KIF21B: variants seen among roughly 807,000 people sequenced by gnomAD.
KIF21B encodes the protein kinesin family member 21B.
In KIF21B, 85 loss-of-function variants were observed where a neutral mutation model predicts 192.9. The ratio of observed to expected loss-of-function variants is 0.44; its 90% CI spans 0.37 to 0.53. The LOEUF (loss-of-function observed/expected upper bound fraction) is 0.53, where lower values mean the gene tolerates loss of function less well. KIF21B is among the 20% of genes least tolerant of loss of function. The probability of loss-of-function intolerance (pLI) is 0.00; values close to 1 mark genes in which losing one functional copy is unlikely to be tolerated. For missense variants in KIF21B, 1,716 were observed against 2,194.8 expected (o/e 0.78, Z 4.36); for synonymous variants, 832 against 884.6 (o/e 0.94, Z 1.05).
intron 34 of KIF21B, chr1:200,973,813 T>TG (rs980523788): frequency 5.8e-5 from 83 of 1,430,470 alleles, no homozygotes; most frequent in Admixed American, 4.4e-4. Context: ...TTTCTTTTTT[T>TG]GGGGGGGTGT....
At chr1:201,002,586 G>T (rs925155452) in intron 8 of KIF21B, 12 of 507,158 alleles carry the variant, frequency 2.4e-5, no homozygotes, top group African/African-American at 2.1e-4. Context: ...GCCACTGAAG[G>T]CCTCTCACAA....
intron 8 of KIF21B, chr1:201,002,555 A>G (rs563213468): frequency 1.7e-4 from 86 of 516,302 alleles, no homozygotes; most frequent in Non-Finnish European, 2.8e-4. Flanking sequence ...TTGACAATAA[A>G]AAGTCCAAAT....
At chr1:200,985,880 C>T (rs12122882) in intron 26 of KIF21B, among the ~76,000 whole-genome samples, 34,372 of 141,318 alleles carry the variant, frequency 0.24, 5,158 homozygotes, top group African/African-American at 0.41. Context: ...GAGTCTCACA[C>T]TGTCACCCAG....
At chr1:200,991,398 G>T (rs1656685297) in intron 17 of KIF21B, among the ~76,000 whole-genome samples, 1 of 152,252 alleles carries the variant, frequency 6.6e-6, no homozygotes, top group Non-Finnish European at 1.5e-5. Flanking sequence ...TGCAGCCTGA[G>T]CTCTTGTTGA....
At chr1:201,009,192 G>A in intron 2 of KIF21B, 74 bp downstream of exon 2, 2 of 1,407,690 alleles carry the variant, frequency 1.4e-6, no homozygotes, top group Non-Finnish European at 9.9e-7. Context: ...TGCTCTGAAG[G>A]TGGAGCTTTC....
At position 200,976,798 on chromosome 1, in the gene KIF21B, C is replaced by G. The variant is rs1293823031; in HGVS notation, c.4421G>C (p.Gly1474Ala). ...TASQHDLVVT[G>A]SKDHYVKMFE... is the part of the protein sequence containing the mutation. ...TACCTTAACGTAGTGGTCCTTGGAG[C>G]CAGTCACCACGAGGTCATGCTGGCT... The change falls in exon 32 of 35, where the codon GGC becomes GCC. Residue 1474 changes from glycine to alanine, a missense_variant. Gly to Ala is a moderately conservative substitution (Grantham distance 60, BLOSUM62 0). Coordinates refer to ENST00000461742, the MANE Select transcript of KIF21B (RefSeq NM_001252102.2). The G allele has an allele frequency of 3.1e-6, 5 of 1,612,694 alleles. No individual in the cohort carries two copies. The highest frequency in any genetic ancestry group is 4.2e-6 in the Non-Finnish European group (5 of 1,179,068).
chr1:200,998,642 A>G lies in KIF21B; in HGVS notation c.1886-67T>C. 1 of 1,459,626 alleles carries G rather than the reference A, an allele frequency of 6.9e-7. No individual in the cohort carries two copies. Among genetic ancestry groups the G allele is most frequent in the Non-Finnish European group, 9.4e-7 (1 of 1,058,578 alleles). 90.4% of individuals were successfully genotyped at this position (1,459,626 alleles called of 1,614,324 possible). On this transcript the variant is annotated intron_variant, in intron 13 of 34. Transcript: ENST00000461742. This position sits in a 1 kb window ranked among gnomAD's most constrained non-coding sequence, Gnocchi z 4.3. ...GGGCAAATTGGGGAGCAGATGTGCC[A>G]GTGCTGGGGAGCTGGGACCCTCCTT...
chr1:200,999,379 C>T lies in KIF21B; in HGVS notation c.1855G>A (p.Val619Met), dbSNP rs140372625. 61 of 1,614,032 alleles carry T rather than the reference C, an allele frequency of 3.8e-5. No individual in the cohort carries two copies. The highest frequency in any genetic ancestry group is 3.6e-5 in the Non-Finnish European group (42 of 1,180,034). ...TCCTCGGGGTCTGAGTCTGAGTCCA[C>T]CAGGCTCTCTTCACTGCCCGAGTCC... ...DEDSGSEESL[V>M]DSDSDPEEKE... The change falls in exon 13 of 35, where the codon GTG becomes ATG. Residue 619 changes from valine (V) to methionine (M), a missense_variant. By Grantham distance (21) the Val-to-Met change is conservative (BLOSUM62 1). Around this residue, in one of 3 missense-constraint regions of KIF21B, gnomAD observed 1,087 missense variants for 1,316.6 expected, o/e 0.83. Coordinates refer to ENST00000461742, the MANE Select transcript of KIF21B (RefSeq NM_001252102.2). This position sits in a 1 kb window ranked among gnomAD's most constrained non-coding sequence, Gnocchi z 4.7.
chr1:200,996,389 A>G lies in KIF21B; in HGVS notation c.2084T>C (p.Met695Thr), dbSNP rs757157117. The part of the protein sequence containing the change: ...RDRVLQNLST[M>T]ECYTEEKANK... ...GGCCTTCTCCTCAGTATAGCACTCCATGGTGCCTGAGAGCAAGGAGACGCA... is the reference window on the plus strand; with the variant it reads ...GGCCTTCTCCTCAGTATAGCACTCCGTGGTGCCTGAGAGCAAGGAGACGCA... The change falls in exon 15 of 35, where the codon ATG becomes ACG. Residue 695 changes from methionine (M) to threonine (T), a missense_variant. Physicochemically the swap from Met to Thr is moderately conservative, Grantham distance 81. Transcript: ENST00000461742. 6.2e-7 allele frequency: 1 copy of G among 1,613,742 alleles called. No homozygotes were observed. The highest frequency in any genetic ancestry group is 8.5e-7 in the Non-Finnish European group (1 of 1,179,890).
Position 200,979,631 on chromosome 1 carries a change from T to C in KIF21B, c.4064A>G (p.Lys1355Arg). 1 of 1,588,572 alleles carries C rather than the reference T, an allele frequency of 6.3e-7. No individual in the cohort carries two copies. Among genetic ancestry groups the C allele is most frequent in the Non-Finnish European group, 8.6e-7 (1 of 1,167,866 alleles). Residue 1355 changes from lysine (K) to arginine (R), a missense_variant, in exon 30 of 35, where the codon AAG becomes AGG. By Grantham distance (26) the Lys-to-Arg change is conservative. This residue lies in a region of KIF21B where 580 missense variants were observed against 775.5 expected (regional missense o/e 0.75). Transcript: ENST00000461742. The part of the protein sequence containing the change: ...KGHPNNVVSI[K>R]YCSHSGLVFS... ...CACAAGCCCCGAGTGGCTGCAGTACTTGATGGAGACCACGTTGTTGGGGTG... is the reference window on the plus strand; with the variant it reads ...CACAAGCCCCGAGTGGCTGCAGTACCTGATGGAGACCACGTTGTTGGGGTG...
chr1:201,013,610 G>A (rs1441183522), intron 1 of KIF21B, among the ~76,000 whole-genome samples: 1 of 151,998 alleles, frequency 6.6e-6, no homozygotes, highest in Non-Finnish European at 1.5e-5. Flanking sequence ...CTCCTGCCTT[G>A]GCCTCACAAA....
intron 34 of KIF21B, chr1:200,974,024 C>T (rs1034048790): frequency 9.5e-6 from 15 of 1,573,248 alleles, no homozygotes; most frequent in Admixed American, 3.8e-5. Context: ...CAGCTCAGAT[C>T]GAAGTGGGGA....
rs1655161473 is a variant in KIF21B at position 200,970,509 on chromosome 1, CGCT to C, written c.*3009_*3011del. On this transcript the variant is annotated 3_prime_UTR_variant, in exon 35 of 35. Coordinates refer to ENST00000461742, the MANE Select transcript of KIF21B (RefSeq NM_001252102.2). ...GGAAATCTCGCAAGGCAACTCCATG[CGCT>C]GCCTTTGAGAGTTCTGGCTGCTTCA... The C allele has an allele frequency of 6.6e-6, 1 of 152,474 alleles. No individual in the cohort carries two copies. Among genetic ancestry groups the C allele is most frequent in the South Asian group, 2.1e-4 (1 of 4,834 alleles). The allele number at this position is 152,474 out of a possible 1,614,324, so 9.4% of individuals were successfully genotyped here. A position where few individuals can be genotyped will look rare whatever the true frequency, so the allele number is the denominator to read the frequency against.
intron 14 of KIF21B, 128 bp from the exon 15 acceptor site, chr1:200,996,523 C>T (rs1571940896): frequency 2.6e-6 from 2 of 773,464 alleles, no homozygotes. Flanking sequence ...CAAGTCACAC[C>T]CCTCTCTGAG....
chr1:200,982,337 C>T lies in KIF21B; in HGVS notation c.3842+719G>A, dbSNP rs1327418253. 3.9e-5 allele frequency among the ~76,000 whole-genome samples: 6 copies of T among 152,154 alleles called. No homozygotes were observed. Among genetic ancestry groups the T allele is most frequent in the Admixed American group, 1.3e-4 (2 of 15,284 alleles). On this transcript the variant is annotated intron_variant, in intron 28 of 34. Transcript: ENST00000461742. This position sits in a 1 kb window ranked among gnomAD's most constrained non-coding sequence, Gnocchi z 4.7. ...TTGTCGACACTCAGGGCTGGAGGCT[C>T]GAGGAGCTGAGACAGCCCACCAGGA...
rs751792490 is a variant in KIF21B, at chr1:200,999,470, G to A, written c.1768-4C>T. On this transcript the variant is annotated splice_polypyrimidine_tract_variant and splice_region_variant and intron_variant, in intron 12 of 34. Coordinates refer to ENST00000461742, the MANE Select transcript of KIF21B (RefSeq NM_001252102.2). This position sits in a 1 kb window ranked among gnomAD's most constrained non-coding sequence, Gnocchi z 4.7. ...TCTCGTCTCGCTCTTCCTCCTCCTG[G>A]GCACCAGGCACCATTGGGGTGGGCC... 6.2e-7 allele frequency: 1 copy of A among 1,613,040 alleles called. No individual in the cohort carries two copies. The highest frequency in any genetic ancestry group is 8.5e-7 in the Non-Finnish European group (1 of 1,179,458).
At position 200,999,293 on chromosome 1, in the gene KIF21B, G is replaced by C; in HGVS notation, c.1885+56C>G. The C allele has an allele frequency of 6.2e-7, 1 of 1,609,528 alleles. No individual in the cohort carries two copies. Among genetic ancestry groups the C allele is most frequent in the East Asian group, 2.2e-5 (1 of 44,880 alleles). On this transcript the variant is annotated intron_variant, in intron 13 of 34. Transcript: ENST00000461742. This position sits in a 1 kb window ranked among gnomAD's most constrained non-coding sequence, Gnocchi z 4.7. ...TTGAGCAGGGCCCGACCCCACACTT[G>C]GGCACTGGCAGCCAGGCATTGCATC...
chr1:201,022,928 C>T (rs1419843808), intron 1 of KIF21B, among the ~76,000 whole-genome samples: 2 of 152,218 alleles, frequency 1.3e-5, no homozygotes, highest in Non-Finnish European at 2.9e-5. Flanking sequence ...GGACCAAGAG[C>T]ACATAACTAG....
chr1:201,009,635 C>T (rs1351155894), intron 1 of KIF21B, 147 bp from the exon 2 acceptor site: 2 of 664,270 alleles, frequency 3.0e-6, no homozygotes, highest in African/African-American at 3.6e-5. Context: ...AGGACATGGG[C>T]AACTTTTGTA....
Sources: gnomAD v4.1 joint callset for allele counts (sites outside exome capture counted in the v4.1 genomes callset) on GRCh38, gnomAD v4.1.1 for gene constraint, gnomAD v4.1.1 regional missense constraint, Gnocchi (gnomAD v3.1) non-coding constraint, MANE v1.5 for transcripts, NCBI Gene and HGNC (gene_info 2026-07-23, HGNC 2026-07-21) for gene names.